AKAP7: variants seen among roughly 807,000 people sequenced by gnomAD.
AKAP7 encodes A-kinase anchoring protein 7, also known as A kinase (PRKA) anchor protein 7.
In AKAP7, 39 loss-of-function variants were observed where a neutral mutation model predicts 39.5. That is an observed-to-expected ratio of 0.99 (90% CI 0.76 to 1.29). The LOEUF is 1.29. Among genes scored for constraint, AKAP7 ranks in the 50% most tolerant of loss-of-function variants. The probability of loss-of-function intolerance (pLI) is 0.00; values close to 1 mark genes in which losing one functional copy is unlikely to be tolerated. For missense variants in AKAP7, 414 were observed against 407.7 expected (o/e 1.02, Z -0.13); for synonymous variants, 140 against 139.1 (o/e 1.01, Z -0.05).
intron 7 of AKAP7, among the ~76,000 whole-genome samples, chr6:131,265,102 A>G (rs1228679616): frequency 6.6e-6 from 1 of 152,138 alleles, no homozygotes; most frequent in Non-Finnish European, 1.5e-5. Flanking sequence ...TTGCTATACT[A>G]TAGGCCAATC....
chr6:131,282,011 C>A lies in AKAP7; in HGVS notation c.*285C>A. 8.6e-7 allele frequency: 1 copy of A among 1,161,014 alleles called. No homozygotes were observed. Among genetic ancestry groups the A allele is most frequent in the Admixed American group, 4.4e-5 (1 of 22,670 alleles). 71.9% of individuals were successfully genotyped at this position (1,161,014 alleles called of 1,614,324 possible). A position where few individuals can be genotyped will look rare whatever the true frequency, so the allele number is the denominator to read the frequency against. ...GGAAAGGGAACTTTGGGTTATGCCT[C>A]CTGGACGCAAATTAAAGGCCGAGAA... On this transcript the variant is annotated 3_prime_UTR_variant, in exon 8 of 8. Coordinates refer to ENST00000431975, the MANE Select transcript of AKAP7 (RefSeq NM_016377.4).
intron 5 of AKAP7, chr6:131,184,538 CAGT>C: frequency 1.4e-6 from 1 of 714,034 alleles, no homozygotes; most frequent in East Asian, 2.6e-5. Context: ...GCATTGCCAG[CAGT>C]ATGTCTTCAC....
intron 7 of AKAP7, among the ~76,000 whole-genome samples, chr6:131,241,632 T>C (rs1585159517): frequency 7.1e-6 from 1 of 141,586 alleles, no homozygotes; most frequent in Admixed American, 7.2e-5. Flanking sequence ...TGTGTGTATA[T>C]ATATATGACA....
At chr6:131,131,994 C>A (rs1016204378), upstream of AKAP7, among the ~76,000 whole-genome samples, 1 of 152,062 alleles carries the variant, frequency 6.6e-6, no homozygotes, top group Non-Finnish European at 1.5e-5. Flanking sequence ...ATTGACAGAA[C>A]CAGTTAATAT....
chr6:131,158,630 C>T (rs1164120427), intron 2 of AKAP7, among the ~76,000 whole-genome samples: 1 of 152,008 alleles, frequency 6.6e-6, no homozygotes, highest in African/African-American at 2.4e-5. Context: ...CCTCATCCTC[C>T]CAAGTAGCTG....
Position 131,190,846 on chromosome 6 carries a change from T to G in AKAP7, c.590-8615T>G, listed in dbSNP as rs185936158. Among the ~76,000 whole-genome samples the G allele has an allele frequency of 5.9e-5, 9 of 152,268 alleles. No individual in the cohort carries two copies. The East Asian group carries it at 1.7e-3, about 29-fold the overall frequency. ...TAAATTCAAAAATTCAAATTTGATT[T>G]TTTTGATGTTGATTGGGAAGTCCTT... On this transcript the variant is annotated intron_variant, in intron 5 of 7. Coordinates refer to ENST00000431975, the MANE Select transcript of AKAP7 (RefSeq NM_016377.4).
intron 5 of AKAP7, among the ~76,000 whole-genome samples, chr6:131,187,972 G>A (rs561859680): frequency 1.3e-5 from 2 of 152,320 alleles, no homozygotes; most frequent in South Asian, 4.1e-4. Context: ...GTTAAGTGAT[G>A]TGTCTAGGAG....
At chr6:131,141,737 G>A (rs1801046595) in intron 1 of AKAP7, among the ~76,000 whole-genome samples, 2 of 152,288 alleles carry the variant, frequency 1.3e-5, no homozygotes, top group South Asian at 4.1e-4. Flanking sequence ...CAAGGTTGGA[G>A]ATGGATATGA....
At chr6:131,186,500 A>G (rs1805873188) in intron 5 of AKAP7, among the ~76,000 whole-genome samples, 1 of 152,178 alleles carries the variant, frequency 6.6e-6, no homozygotes, top group Non-Finnish European at 1.5e-5. Context: ...ATCTTGGCAC[A>G]GTTGTTGAAA....
chr6:131,227,906 CTTAAAAGGCTTGTT>C (rs1810315346), intron 7 of AKAP7, among the ~76,000 whole-genome samples: 1 of 152,156 alleles, frequency 6.6e-6, no homozygotes, highest in Non-Finnish European at 1.5e-5. Flanking sequence ...GCTTGCTAGT[CTTAAAAGGCTTGTT>C]GTGGTTCACC....
At chr6:131,182,965 A>G (rs1430147612) in intron 5 of AKAP7, among the ~76,000 whole-genome samples, 1 of 152,190 alleles carries the variant, frequency 6.6e-6, no homozygotes, top group Non-Finnish European at 1.5e-5. Context: ...GTTCAACAAA[A>G]AAAATTTAAT....
At chr6:131,199,696 A>C in intron 6 of AKAP7, 123 bp downstream of exon 6, 1 of 829,392 alleles carries the variant, frequency 1.2e-6, no homozygotes, top group Middle Eastern at 2.6e-4. Flanking sequence ...TTTCCAAGTC[A>C]GGTTGGTTCC....
chr6:131,236,092 A>G (rs1376540947), intron 7 of AKAP7, among the ~76,000 whole-genome samples: 2 of 152,108 alleles, frequency 1.3e-5, no homozygotes. Flanking sequence ...TAAGGTGTAA[A>G]GAAGGGATCC....
intron 3 of AKAP7, 33 bp from the exon 4 acceptor site, chr6:131,165,048 G>T: frequency 2.7e-6 from 4 of 1,493,442 alleles, no homozygotes; most frequent in South Asian, 1.4e-5. Flanking sequence ...CTAATCACTG[G>T]AATTTTTTTT....
the AKAP7 span, among the ~76,000 whole-genome samples, chr6:131,129,799 C>T: frequency 6.6e-5 from 10 of 152,170 alleles, no homozygotes; most frequent in Admixed American, 2.0e-4. Context: ...CTTGGGTCAC[C>T]AAGGGTCCCA....
intron 7 of AKAP7, among the ~76,000 whole-genome samples, chr6:131,275,170 C>T (rs1254122578): frequency 6.6e-6 from 1 of 152,142 alleles, no homozygotes; most frequent in Non-Finnish European, 1.5e-5. Context: ...AGGTATTGGG[C>T]ATATTATTTT....
chr6:131,206,580 C>T (rs1265764199), intron 6 of AKAP7, among the ~76,000 whole-genome samples: 2 of 152,108 alleles, frequency 1.3e-5, no homozygotes, highest in Non-Finnish European at 2.9e-5. Context: ...GAGGAAATTC[C>T]AGTTCCTGAA....
intron 5 of AKAP7, among the ~76,000 whole-genome samples, chr6:131,188,753 A>C (rs919979748): frequency 4.2e-5 from 6 of 143,592 alleles, no homozygotes; most frequent in Non-Finnish European, 9.1e-5. Context: ...GGGTTTCACC[A>C]TGTTGCCCAG....
chr6:131,127,372 T>A, the AKAP7 span, among the ~76,000 whole-genome samples: 1 of 152,284 alleles, frequency 6.6e-6, no homozygotes, highest in South Asian at 2.1e-4. Flanking sequence ...TTGTATGTCA[T>A]GATGGCACTT....
Sources: allele counts gnomAD v4.1 joint callset (sites outside exome capture counted in the v4.1 genomes callset), GRCh38; gene constraint gnomAD v4.1.1; transcripts MANE v1.5; gene names NCBI Gene and HGNC (gene_info 2026-07-23, HGNC 2026-07-21).